KALRN: variants seen among roughly 807,000 people sequenced by gnomAD.
The protein encoded by KALRN is kalirin.
Under a neutral mutation model 353.7 loss-of-function variants are expected in KALRN, and 70 were observed. That is an observed-to-expected ratio of 0.20 (90% CI 0.16 to 0.24). The LOEUF (loss-of-function observed/expected upper bound fraction) is 0.24, where lower values mean the gene tolerates loss of function less well. Ranked by LOEUF, KALRN falls within the 10% of genes least tolerant of loss-of-function variation. The pLI, the probability that KALRN is intolerant of heterozygous loss-of-function variation, is 1.00. For synonymous variants in KALRN, 1,391 were observed against 1,434.8 expected, an observed-to-expected ratio of 0.97 and a Z score of 0.69; for missense variants, 2,791 against 3,756.7, an observed-to-expected ratio of 0.74 and a Z score of 6.72.
At chr3:124,319,311 A>G (rs1433139843) in intron 6 of KALRN, among the ~76,000 whole-genome samples, 6 of 151,824 alleles carry the variant, frequency 4.0e-5, no homozygotes, top group African/African-American at 9.7e-5. Context: ...AAGAAAAAGG[A>G]AATTTAAAAA....
At chr3:124,431,506 T>C (rs1056316604) in intron 16 of KALRN, among the ~76,000 whole-genome samples, 5 of 152,172 alleles carry the variant, frequency 3.3e-5, no homozygotes, top group Non-Finnish European at 7.3e-5. Flanking sequence ...CTTGAACTGA[T>C]TGCTTTAGAG....
chr3:124,109,503 T>A (rs2062635635), intron 1 of KALRN, among the ~76,000 whole-genome samples: 1 of 152,044 alleles, frequency 6.6e-6, no homozygotes, highest in Admixed American at 6.5e-5. Context: ...TTCAAGCTTA[T>A]CTTTTGTTTC....
At chr3:124,402,760 G>A (rs1228811445) in intron 13 of KALRN, among the ~76,000 whole-genome samples, 1 of 152,062 alleles carries the variant, frequency 6.6e-6, no homozygotes, top group Admixed American at 6.5e-5. Context: ...TTTGGGAGAG[G>A]TTTAGTTTTT....
intron 1 of KALRN, among the ~76,000 whole-genome samples, chr3:124,146,192 G>C (rs544200030): frequency 2.6e-5 from 4 of 152,286 alleles, no homozygotes; most frequent in African/African-American, 9.6e-5. Flanking sequence ...GGAGAAGGGA[G>C]GTAATGGAGA....
chr3:124,089,258 A>G (rs1380671686), intron 1 of KALRN, among the ~76,000 whole-genome samples: 1 of 152,144 alleles, frequency 6.6e-6, no homozygotes, highest in East Asian at 1.9e-4. Context: ...GGCTATCTGG[A>G]AAAGTTCCTG....
intron 21 of KALRN, among the ~76,000 whole-genome samples, chr3:124,450,743 A>G (rs148735685): frequency 0.016 from 2,450 of 152,062 alleles, 31 homozygotes; most frequent in Non-Finnish European, 0.029. Context: ...TTGTATTTTT[A>G]GTAGAGACAG....
chr3:124,695,629 TATC>T (rs774033049), intron 53 of KALRN, among the ~76,000 whole-genome samples: 2 of 152,220 alleles, frequency 1.3e-5, no homozygotes, highest in Non-Finnish European at 2.9e-5. Flanking sequence ...ATGGGGAAGT[TATC>T]ATTTAGGTGA....
At chr3:124,444,661 G>C (rs2093772864) in intron 19 of KALRN, among the ~76,000 whole-genome samples, 1 of 151,654 alleles carries the variant, frequency 6.6e-6, no homozygotes, top group Non-Finnish European at 1.5e-5. Flanking sequence ...TTTACAAATT[G>C]ACTGGGTGTG....
At chr3:124,687,195 C>A (rs1336109885) in intron 51 of KALRN, among the ~76,000 whole-genome samples, 1 of 152,114 alleles carries the variant, frequency 6.6e-6, no homozygotes, top group Non-Finnish European at 1.5e-5. Flanking sequence ...AGGGCATAAT[C>A]AGGGCCAAAT....
At chr3:124,167,124 G>A (rs140516830) in intron 1 of KALRN, among the ~76,000 whole-genome samples, 281 of 152,274 alleles carry the variant, frequency 1.8e-3, no homozygotes, top group African/African-American at 6.2e-3. Context: ...AAGATGGAGT[G>A]GGGGTGGACC....
chr3:124,116,655 A>T (rs780250716), intron 1 of KALRN, among the ~76,000 whole-genome samples: 12 of 152,214 alleles, frequency 7.9e-5, no homozygotes, highest in Non-Finnish European at 1.5e-4. Context: ...CACAGATAGT[A>T]CTGAATCCTA....
intron 37 of KALRN, among the ~76,000 whole-genome samples, chr3:124,649,577 C>T (rs1336485684): frequency 6.6e-6 from 1 of 151,762 alleles, no homozygotes; most frequent in Non-Finnish European, 1.5e-5. Flanking sequence ...AGTTCAAGAC[C>T]AGCCTGGGCA....
chr3:124,320,963 C>T (rs1324968510), intron 6 of KALRN, among the ~76,000 whole-genome samples: 3 of 152,310 alleles, frequency 2.0e-5, no homozygotes, highest in African/African-American at 4.8e-5. Flanking sequence ...GACAATGAGA[C>T]TTCGCTTTTT....
At chr3:124,641,516 G>T (rs1431130294) in intron 37 of KALRN, among the ~76,000 whole-genome samples, 3 of 152,182 alleles carry the variant, frequency 2.0e-5, no homozygotes, top group African/African-American at 7.2e-5. Context: ...TCCTGCCTCT[G>T]CTATCTACTG....
chr3:124,085,094 G>A (rs1165613288), intron 1 of KALRN, among the ~76,000 whole-genome samples: 1 of 152,174 alleles, frequency 6.6e-6, no homozygotes, highest in Non-Finnish European at 1.5e-5. Context: ...AAACTCTTAA[G>A]TAGAGATGGC....
At chr3:124,478,160 G>A (rs79244784) in intron 27 of KALRN, among the ~76,000 whole-genome samples, 2,116 of 152,188 alleles carry the variant, frequency 0.014, 20 homozygotes, top group Non-Finnish European at 0.022. Flanking sequence ...ATGAAATTGG[G>A]GAAAAAGAAA....
At chr3:124,395,740 G>A (rs1272325804) in intron 12 of KALRN, among the ~76,000 whole-genome samples, 3 of 152,262 alleles carry the variant, frequency 2.0e-5, no homozygotes, top group African/African-American at 4.8e-5. Context: ...CTGACCTCCA[G>A]TGCCCCAGTC....
intron 1 of KALRN, among the ~76,000 whole-genome samples, chr3:124,082,488 T>C (rs1196106992): frequency 6.6e-6 from 1 of 152,066 alleles, no homozygotes; most frequent in Non-Finnish European, 1.5e-5. Context: ...CTTCAGAAAA[T>C]TAGAAGAAAC....
chr3:124,408,589 C>A (rs1042276591), intron 13 of KALRN, among the ~76,000 whole-genome samples: 10 of 152,214 alleles, frequency 6.6e-5, no homozygotes, highest in Admixed American at 5.9e-4. Flanking sequence ...AAAATGTCTT[C>A]TTCAATCATA....
Sources: gnomAD v4.1 joint callset for allele counts (sites outside exome capture counted in the v4.1 genomes callset) on GRCh38, gnomAD v4.1.1 for gene constraint, MANE v1.5 for transcripts, NCBI Gene and HGNC (gene_info 2026-07-23, HGNC 2026-07-21) for gene names.